MAD2L2: variants seen among roughly 807,000 people sequenced by gnomAD.
MAD2L2 encodes the protein mitotic arrest deficient 2 like 2, also known as mitotic spindle assembly checkpoint protein MAD2B.
MAD2L2 carries 17 observed loss-of-function variants against 30.5 expected under a neutral mutation model. The ratio of observed to expected loss-of-function variants is 0.56; its 90% CI spans 0.38 to 0.84. The LOEUF is 0.84. Ranked by LOEUF, MAD2L2 falls within the 40% of genes least tolerant of loss-of-function variation. MAD2L2 has a pLI of 0.00. For synonymous variants in MAD2L2, 101 were observed against 113.9 expected (o/e 0.89, Z 0.72); for missense variants, 213 against 277.4 (o/e 0.77, Z 1.65).
chr1:11,686,189 G>A (rs1258792941), intron 1 of MAD2L2, among the ~76,000 whole-genome samples: 2 of 152,078 alleles, frequency 1.3e-5, no homozygotes, highest in Non-Finnish European at 2.9e-5. Context: ...GGGAGGACAC[G>A]CATCATCACG....
rs755242044 is a variant in MAD2L2 at position 11,676,143 on chromosome 1, G to A, written c.333-3C>T. 8 of 1,583,702 alleles carry A rather than the reference G, an allele frequency of 5.1e-6. No homozygotes were observed. In the East Asian group the frequency reaches 1.6e-4, roughly 31 times the overall value. On this transcript the variant is annotated splice_region_variant and splice_polypyrimidine_tract_variant and intron_variant, in intron 5 of 8. Transcript: ENST00000376692. ...CATGAGACAACAGCGAGTCTGAGCT[G>A]GGAGTGAGAGGAGGTCTTCCCATCA...
chr1:11,690,234 C>G lies in MAD2L2; in HGVS notation c.-692+1179G>C, dbSNP rs1641036206. Among the ~76,000 whole-genome samples, 1 of 152,148 alleles carries G rather than the reference C, an allele frequency of 6.6e-6. No homozygotes were observed. Among genetic ancestry groups the G allele is most frequent in the African/African-American group, 2.4e-5 (1 of 41,430 alleles). ...GGATTCTTGTCCATGTTGTTTACTA[C>G]TGTACCTCCGGTGCCGGCACATAGT... On this transcript the variant is annotated intron_variant, in intron 1 of 10. Transcript: ENST00000235310. This position sits in a 1 kb window ranked among gnomAD's most constrained non-coding sequence, Gnocchi z 4.2.
upstream of MAD2L2, among the ~76,000 whole-genome samples, chr1:11,682,234 C>T (rs1237032176): frequency 6.6e-6 from 1 of 152,144 alleles, no homozygotes; most frequent in Non-Finnish European, 1.5e-5. Context: ...AGGGCTTCCA[C>T]TTATTTACAG....
intron 1 of MAD2L2, 26 bp from the exon 2 acceptor site, chr1:11,680,639 G>A (rs1187981372): frequency 1.3e-6 from 2 of 1,525,058 alleles, no homozygotes; most frequent in Admixed American, 4.2e-5. Context: ...AGGGCAGAGG[G>A]TAGTTCCAGA....
chr1:11,680,591 A>G lies in MAD2L2; in HGVS notation c.11T>C (p.Leu4Pro). The G allele has an allele frequency of 2.5e-6, 4 of 1,577,696 alleles. No individual in the cohort carries two copies. Among genetic ancestry groups the G allele is most frequent in the Non-Finnish European group, 3.5e-6 (4 of 1,158,664 alleles). The change falls in exon 2 of 9, where the codon CTC (leucine) becomes CCC (proline). Residue 4 changes from leucine (L) to proline (P), a missense_variant. Transcript: ENST00000376692. ...GCCAAAGTTGAGGTCTTGTCGTGTG[A>G]GCGTGGTCATCCTTCCCGCTACCTG... MTT[L>P]TRQDLNFGQV...
At chr1:11,680,793 G>C in intron 1 of MAD2L2, 180 bp from the exon 2 acceptor site, 2 of 1,327,278 alleles carry the variant, frequency 1.5e-6, no homozygotes, top group Non-Finnish European at 1.9e-6. Flanking sequence ...GTGCTTGGGG[G>C]CATCAGCCTC....
At chr1:11,680,913 T>C in intron 1 of MAD2L2, 126 bp downstream of exon 1, 1 of 530,066 alleles carries the variant, frequency 1.9e-6, no homozygotes, top group Non-Finnish European at 2.7e-6. Context: ...AACAGCGGGA[T>C]GCCCAGGGCC....
At position 11,688,739 on chromosome 1, in the gene MAD2L2, G is replaced by T. The variant is rs1310467756; in HGVS notation, c.-692+2674C>A. ...ATCTTGAGTAGGGGCTGGGTCAAAT[G>T]GGGTTGGGACTTGCTGGGCCATATT... On this transcript the variant is annotated intron_variant, in intron 1 of 10. Coordinates refer to the MAD2L2 transcript ENST00000235310. The surrounding 1 kb of genome is among the most constrained non-coding windows in gnomAD (Gnocchi z 4.6). Among the ~76,000 whole-genome samples the T allele has an allele frequency of 6.6e-6, 1 of 152,134 alleles. No homozygotes were observed. Among genetic ancestry groups the T allele is most frequent in the Non-Finnish European group, 1.5e-5 (1 of 68,028 alleles).
intron 3 of MAD2L2, among the ~76,000 whole-genome samples, chr1:11,679,620 G>C (rs917779374): frequency 6.7e-6 from 1 of 148,884 alleles, no homozygotes; most frequent in Non-Finnish European, 1.5e-5. Flanking sequence ...TCTGCATCCC[G>C]GGTTCAAGCG....
In MAD2L2 at chr1:11,690,943, T is replaced by A. The variant is rs1265604446; in HGVS notation, c.-692+470A>T. Among the ~76,000 whole-genome samples the A allele has an allele frequency of 6.6e-6, 1 of 151,912 alleles. No individual in the cohort carries two copies. The highest frequency in any genetic ancestry group is 1.5e-5 in the Non-Finnish European group (1 of 67,960). On this transcript the variant is annotated intron_variant, in intron 1 of 10. Coordinates refer to the MAD2L2 transcript ENST00000235310. The surrounding 1 kb of genome is among the most constrained non-coding windows in gnomAD (Gnocchi z 4.2). The stretch of plus-strand genomic sequence containing the variant: ...CGCCGCGTGTGAGTGTGTGTGTGTG[T>A]GTGTTTGTGTGTGTGTGTATTGGGG...
At chr1:11,678,357 G>A (rs1640808482) in intron 3 of MAD2L2, among the ~76,000 whole-genome samples, 1 of 152,178 alleles carries the variant, frequency 6.6e-6, no homozygotes, top group Non-Finnish European at 1.5e-5. Context: ...GTTGCAGTGA[G>A]CTGAGATCAA....
At chr1:11,684,917 T>C (rs1640933268), upstream of MAD2L2, among the ~76,000 whole-genome samples, 3 of 119,694 alleles carry the variant, frequency 2.5e-5, no homozygotes, top group South Asian at 9.1e-4. Flanking sequence ...TCAGGTTCTC[T>C]CTCTCTCTCT....
rs1359262815 is a variant in MAD2L2, at chr1:11,687,788, C to A, written c.-692+3625G>T. ...TTTTCAAGATTCATCCAGGTCGAAT[C>A]ACATATTGATACTTCATTCCTTCGT... On this transcript the variant is annotated intron_variant, in intron 1 of 10. Transcript: ENST00000235310. This position sits in a 1 kb window ranked among gnomAD's most constrained non-coding sequence, Gnocchi z 4.1. Among the ~76,000 whole-genome samples, 1 of 152,220 alleles carries A rather than the reference C, an allele frequency of 6.6e-6. No homozygotes were observed. Among genetic ancestry groups the A allele is most frequent in the East Asian group, 1.9e-4 (1 of 5,202 alleles).
chr1:11,681,312 C>T (rs532589502), upstream of MAD2L2: 1 of 152,258 alleles, frequency 6.6e-6, no homozygotes, highest in Non-Finnish European at 1.5e-5. Flanking sequence ...TGAGACCCGC[C>T]GCGCCACCTC....
At position 11,675,553 on chromosome 1, in the gene MAD2L2, A is replaced by T. The variant is rs370678454; in HGVS notation, c.501+105T>A. ...CCTGCTGGGTGCCAGGCGCTGCCACACCAATGTAATGGGTGGCTGGCCACA... is the reference window on the plus strand; with the variant it reads ...CCTGCTGGGTGCCAGGCGCTGCCACTCCAATGTAATGGGTGGCTGGCCACA... On this transcript the variant is annotated intron_variant, in intron 7 of 8. Transcript: ENST00000376692. The T allele has an allele frequency of 4.2e-3, 4,683 of 1,121,526 alleles. 84 individuals carry two copies. Among genetic ancestry groups the T allele is most frequent in the South Asian group, 0.038 (2,963 of 78,276 alleles). The allele number at this position is 1,121,526 out of a possible 1,614,324, so 69.5% of individuals were successfully genotyped here. A position where few individuals can be genotyped will look rare whatever the true frequency, so the allele number is the denominator to read the frequency against.
chr1:11,689,760 T>G (rs1641028079), intron 1 of MAD2L2, among the ~76,000 whole-genome samples: 1 of 152,188 alleles, frequency 6.6e-6, no homozygotes, highest in African/African-American at 2.4e-5. Flanking sequence ...TAATAAACTT[T>G]TTACTCTATG....
rs559535252 is a variant in MAD2L2 at position 11,677,356 on chromosome 1, C to A, written c.231+187G>T. 1,559 of 633,472 alleles carry A rather than the reference C, an allele frequency of 2.5e-3. 8 individuals carry two copies. Among genetic ancestry groups the A allele is most frequent in the Non-Finnish European group, 3.1e-3 (1,124 of 365,526 alleles). The allele number at this position is 633,472 out of a possible 1,614,324, so 39.2% of individuals were successfully genotyped here. On this transcript the variant is annotated intron_variant, in intron 4 of 8. Coordinates refer to ENST00000376692, the MANE Select transcript of MAD2L2 (RefSeq NM_006341.4). ...GGCCCAAGGCACCCTGAACATGGCC[C>A]GCATGCCTTGGGGCCTGCCCCTGGG...
chr1:11,674,712 G>GCT lies in MAD2L2; in HGVS notation c.*62_*63insAG. On this transcript the variant is annotated 3_prime_UTR_variant, in exon 9 of 9. Coordinates refer to ENST00000376692, the MANE Select transcript of MAD2L2 (RefSeq NM_006341.4). This position sits in a 1 kb window ranked among gnomAD's most constrained non-coding sequence, Gnocchi z 6.1. ...GGAATCAGGGCAGCCATGCAGCACT[G>GCT]CCCTAGGCGGGGATCCCCCAAAGTC... 1 of 1,550,188 alleles carries GCT rather than the reference G, an allele frequency of 6.5e-7. No homozygotes were observed. The highest frequency in any genetic ancestry group is 2.2e-5 in the East Asian group (1 of 44,580).
intron 8 of MAD2L2, 32 bp downstream of exon 8, chr1:11,675,050 A>T: frequency 6.5e-7 from 1 of 1,540,356 alleles, no homozygotes; most frequent in Non-Finnish European, 8.8e-7. Context: ...GCAGCCCCTA[A>T]ATAAAGCTTC....
Sources: allele counts gnomAD v4.1 joint callset (sites outside exome capture counted in the v4.1 genomes callset), GRCh38; gene constraint gnomAD v4.1.1; non-coding constraint Gnocchi (gnomAD v3.1); transcripts MANE v1.5; gene names NCBI Gene and HGNC (gene_info 2026-07-23, HGNC 2026-07-21).